VPS13B: variants seen among roughly 807,000 people sequenced by gnomAD.
The protein encoded by VPS13B is intermembrane lipid transfer protein VPS13B.
In VPS13B, 285 loss-of-function variants were observed where a neutral mutation model predicts 426.4. The observed-to-expected ratio is 0.67, with a 90% confidence interval of 0.61 to 0.74. The LOEUF is 0.74. VPS13B is among the 30% of genes least tolerant of loss of function. VPS13B has a pLI of 0.00. For missense variants in VPS13B, 4,537 were observed against 4,782.6 expected, an observed-to-expected ratio of 0.95 and a Z score of 1.51; for synonymous variants, 1,676 against 1,676.4, an observed-to-expected ratio of 1.00 and a Z score of 0.01.
intron 39 of VPS13B, among the ~76,000 whole-genome samples, chr8:99,729,296 G>A (rs1833490422): frequency 6.6e-6 from 1 of 152,174 alleles, no homozygotes; most frequent in Admixed American, 6.5e-5. Flanking sequence ...GACAAAAATT[G>A]ACTCAATTTT....
In VPS13B at chr8:99,819,612, A is replaced by G. The variant is rs531794007; in HGVS notation, c.8792+30A>G. ...TATTCTTCAGTGATCTTTTTCTACA[A>G]AAATTTCTCAACATTAACAAATGAT... On this transcript the variant is annotated intron_variant, in intron 48 of 61. Coordinates refer to ENST00000357162, the MANE Select transcript of VPS13B (RefSeq NM_152564.5). The G allele has an allele frequency of 1.5e-5, 24 of 1,607,612 alleles. No homozygotes were observed. In the South Asian group the frequency reaches 2.3e-4, roughly 16 times the overall value.
intron 23 of VPS13B, among the ~76,000 whole-genome samples, chr8:99,454,826 A>C (rs996405778): frequency 6.6e-6 from 1 of 152,168 alleles, no homozygotes; most frequent in East Asian, 1.9e-4. Flanking sequence ...CCATTCTGAT[A>C]GGTATGTAGT....
At chr8:99,468,710 G>A (rs1320226535) in intron 24 of VPS13B, among the ~76,000 whole-genome samples, 3 of 152,036 alleles carry the variant, frequency 2.0e-5, no homozygotes, top group African/African-American at 7.2e-5. Flanking sequence ...GGGCAATAAA[G>A]CAAGACTCTT....
At chr8:99,582,849 G>T (rs1223483962) in intron 33 of VPS13B, among the ~76,000 whole-genome samples, 1 of 152,102 alleles carries the variant, frequency 6.6e-6, no homozygotes, top group Non-Finnish European at 1.5e-5. Flanking sequence ...GAGAGACGGG[G>T]TTTCACCGTG....
intron 30 of VPS13B, among the ~76,000 whole-genome samples, chr8:99,542,786 C>A (rs1823696954): frequency 6.6e-6 from 1 of 152,104 alleles, no homozygotes; most frequent in African/African-American, 2.4e-5. Flanking sequence ...ACTTAACTCC[C>A]TCAATTTTAT....
intron 17 of VPS13B, among the ~76,000 whole-genome samples, chr8:99,195,495 T>C (rs182107202): frequency 1.5e-3 from 236 of 152,280 alleles, no homozygotes; most frequent in African/African-American, 5.2e-3. Flanking sequence ...ATCAGAGGGA[T>C]GGTTTGTAAA....
intron 23 of VPS13B, among the ~76,000 whole-genome samples, chr8:99,461,508 T>C (rs1199417276): frequency 6.6e-6 from 1 of 152,120 alleles, no homozygotes; most frequent in African/African-American, 2.4e-5. Flanking sequence ...ACTTATTTAA[T>C]GTCTTTGCAT....
intron 23 of VPS13B, among the ~76,000 whole-genome samples, chr8:99,444,169 G>C (rs1817806347): frequency 6.6e-6 from 1 of 151,798 alleles, no homozygotes; most frequent in Admixed American, 6.6e-5. Context: ...CACAATCCCG[G>C]CTCACTGCAG....
At chr8:99,583,344 A>G (rs1045801414) in intron 33 of VPS13B, among the ~76,000 whole-genome samples, 3 of 152,212 alleles carry the variant, frequency 2.0e-5, no homozygotes, top group Admixed American at 1.3e-4. Context: ...ATTCTAAAAT[A>G]TTAAGTATTA....
chr8:99,138,066 A>T (rs185956876), intron 12 of VPS13B, among the ~76,000 whole-genome samples: 130 of 152,312 alleles, frequency 8.5e-4, no homozygotes, highest in African/African-American at 2.9e-3. Context: ...ACAGATGATA[A>T]CAGTGGTATC....
At chr8:99,533,719 CTT>C in intron 30 of VPS13B, among the ~76,000 whole-genome samples, 1 of 152,220 alleles carries the variant, frequency 6.6e-6, no homozygotes, top group East Asian at 1.9e-4. Context: ...GAAAACCATT[CTT>C]TTTTATGGAC....
chr8:99,026,768 A>G (rs752573791), intron 2 of VPS13B, among the ~76,000 whole-genome samples: 29 of 152,128 alleles, frequency 1.9e-4, no homozygotes, highest in Middle Eastern at 3.4e-3. Context: ...AACTACTCCT[A>G]TTCATTTTTG....
intron 44 of VPS13B, among the ~76,000 whole-genome samples, chr8:99,812,578 T>C (rs138717486): frequency 6.6e-6 from 1 of 152,228 alleles, no homozygotes; most frequent in African/African-American, 2.4e-5. Context: ...GCATTTCTTA[T>C]ACCCCTCTCA....
intron 17 of VPS13B, chr8:99,233,350 T>C: frequency 9.4e-7 from 1 of 1,060,250 alleles, no homozygotes; most frequent in Non-Finnish European, 1.5e-6. Flanking sequence ...GTTAAAGAAG[T>C]TTTCTTCTTT....
At position 99,526,159 on chromosome 8, in the gene VPS13B, G is replaced by T. The variant is rs114753898; in HGVS notation, c.4745+5149G>T. 1.5e-3 allele frequency among the ~76,000 whole-genome samples: 221 copies of T among 152,220 alleles called. 1 individual carries two copies. The highest frequency in any genetic ancestry group is 5.1e-3 in the African/African-American group (211 of 41,532). ...ACTAGAGATATACATTTAAAAAGAG[G>T]TTAAATATACGTTTGAAAATAAAGG... On this transcript the variant is annotated intron_variant, in intron 30 of 61. Coordinates refer to ENST00000357162, the MANE Select transcript of VPS13B (RefSeq NM_152564.5).
intron 21 of VPS13B, among the ~76,000 whole-genome samples, chr8:99,419,680 T>G (rs1816267025): frequency 6.6e-6 from 1 of 152,204 alleles, no homozygotes; most frequent in African/African-American, 2.4e-5. Flanking sequence ...TCTTGATGAC[T>G]ATTAAAATTT....
rs868279435 is a variant in VPS13B at position 99,535,134 on chromosome 8, G to A, written c.4745+14124G>A. On this transcript the variant is annotated intron_variant, in intron 30 of 61. Transcript: ENST00000357162. ...GCAGACATCTATTAATTAATTTAAT[G>A]TGCAGAATTAATAATAAATTACCTC... 9.9e-5 allele frequency among the ~76,000 whole-genome samples: 15 copies of A among 152,220 alleles called. No homozygotes were observed. In the Middle Eastern group the frequency reaches 0.014, roughly 138 times the overall value.
chr8:99,033,818 C>T (rs987408370), intron 2 of VPS13B, among the ~76,000 whole-genome samples: 1 of 152,050 alleles, frequency 6.6e-6, no homozygotes, highest in African/African-American at 2.4e-5. Context: ...ATCATTTGAA[C>T]CCGGGAGGCA....
At chr8:99,465,572 C>A (rs1362901671) in intron 23 of VPS13B, among the ~76,000 whole-genome samples, 12 of 151,896 alleles carry the variant, frequency 7.9e-5, no homozygotes, top group Non-Finnish European at 1.8e-4. Flanking sequence ...GCATAACCAC[C>A]ATTTAGCATT....
Sources: gnomAD v4.1 joint callset for allele counts (sites outside exome capture counted in the v4.1 genomes callset) on GRCh38, gnomAD v4.1.1 for gene constraint, MANE v1.5 for transcripts, NCBI Gene and HGNC (gene_info 2026-07-23, HGNC 2026-07-21) for gene names.